Variants in IL3RA observed in about 807,000 individuals in gnomAD.
IL3RA encodes interleukin-3 receptor subunit alpha.
Under a neutral mutation model 52.3 loss-of-function variants are expected in IL3RA, and 73 were observed. The observed-to-expected ratio is 1.40, with a 90% CI of 1.16 to 1.70. The LOEUF is 1.70. IL3RA is among the 40% of genes most tolerant of loss of function. The probability of loss-of-function intolerance (pLI) is 0.00; values close to 1 mark genes in which losing one functional copy is unlikely to be tolerated. For missense variants in IL3RA, 664 were observed against 504.4 expected, an observed-to-expected ratio of 1.32 and a Z score of -3.03; for synonymous variants, 260 against 194.0, an observed-to-expected ratio of 1.34 and a Z score of -2.83.
intron 8 of IL3RA, among the ~76,000 whole-genome samples, chrX:1,361,677 C>T (rs1445220060): frequency 1.8e-4 from 27 of 149,232 alleles, no homozygotes; most frequent in East Asian, 8.0e-4. Flanking sequence ...CGCTTGAACC[C>T]GGGAGGCAGA....
intron 6 of IL3RA, among the ~76,000 whole-genome samples, chrX:1,354,508 A>AGGAGG (rs1569522547): frequency 7.1e-6 from 1 of 140,412 alleles, no homozygotes; most frequent in Non-Finnish European, 1.5e-5. Context: ...GGAGGAGGAG[A>AGGAGG]AGGAAAAGAA....
rs1243917040 is a variant in IL3RA, at chrX:1,345,437, A to G, written c.183+3A>G. 6 of 1,530,536 alleles carry G rather than the reference A, an allele frequency of 3.9e-6. No homozygotes were observed. Among genetic ancestry groups the G allele is most frequent in the Non-Finnish European group, 5.4e-6 (6 of 1,113,776 alleles). The allele number at this position is 1,530,536 out of a possible 1,614,324, so 94.8% of individuals were successfully genotyped here. On this transcript the variant is annotated splice_donor_region_variant and intron_variant, in intron 3 of 11. Coordinates refer to ENST00000331035, the MANE Select transcript of IL3RA (RefSeq NM_002183.4). ...AAGACGCCGACTATTCTATGCCGGT[A>G]AATCATACTCTCTATTGTTTTTTTA...
At chrX:1,368,307 G>C (rs1162432304) in intron 9 of IL3RA, among the ~76,000 whole-genome samples, 1 of 151,966 alleles carries the variant, frequency 6.6e-6, no homozygotes, top group Non-Finnish European at 1.5e-5. Context: ...ACTTCTGGCC[G>C]GGCACGGTGA....
intron 8 of IL3RA, among the ~76,000 whole-genome samples, chrX:1,359,172 G>A (rs1848917968): frequency 6.6e-6 from 1 of 152,004 alleles, no homozygotes; most frequent in Non-Finnish European, 1.5e-5. Context: ...GTGAGAGCCA[G>A]ATGCTATGGC....
In IL3RA at chrX:1,352,322, C is replaced by T. The variant is rs756530624; in HGVS notation, c.432C>T (p.Asn144=). Reference sequence around the variant, plus strand: ...CCCCCAACCTTACCGCTTACCGCAGCAGGCGTCAACAGTACGAGTGTCTTC... The same window carrying T: ...CCCCCAACCTTACCGCTTACCGCAGTAGGCGTCAACAGTACGAGTGTCTTC... The part of the protein sequence containing the change: ...VQYDLYLNVA[N]RRQQYECLHY... The change falls in exon 6 of 12, where the codon AAC becomes AAT. Residue 144 remains asparagine (N), a splice_region_variant and synonymous_variant. Transcript: ENST00000331035. The T allele has an allele frequency of 6.2e-7, 1 of 1,613,686 alleles. No individual in the cohort carries two copies. The highest frequency in any genetic ancestry group is 1.3e-5 in the African/African-American group (1 of 74,928).
intron 8 of IL3RA, 122 bp downstream of exon 8, chrX:1,359,009 T>A (rs183717318): frequency 4.5e-5 from 32 of 710,716 alleles, no homozygotes; most frequent in African/African-American, 3.1e-4. Context: ...GAAAATATTA[T>A]TAATAATAAA....
intron 7 of IL3RA, 34 bp from the exon 8 acceptor site, chrX:1,358,827 G>C (rs2086933415): frequency 1.9e-6 from 3 of 1,612,908 alleles, no homozygotes; most frequent in Non-Finnish European, 2.5e-6. Flanking sequence ...GGACGGTCCA[G>C]ACACTCAAAA....
At chrX:1,377,243 T>G (rs757907015) in intron 9 of IL3RA, among the ~76,000 whole-genome samples, 103 of 152,300 alleles carry the variant, frequency 6.8e-4, no homozygotes, top group Non-Finnish European at 1.2e-3. Context: ...CTTTTTTCTT[T>G]TTTTTCCTCT....
intron 4 of IL3RA, among the ~76,000 whole-genome samples, chrX:1,350,040 G>C (rs138795999): frequency 2.0e-5 from 3 of 152,298 alleles, no homozygotes; most frequent in African/African-American, 7.2e-5. Flanking sequence ...GACACACACA[G>C]TGATTTCATT....
At chrX:1,361,755 G>GAAAA (rs1156722120) in intron 8 of IL3RA, among the ~76,000 whole-genome samples, 14 of 81,762 alleles carry the variant, frequency 1.7e-4, no homozygotes, top group Non-Finnish European at 2.5e-4. Flanking sequence ...TCCGTCTCGA[G>GAAAA]AAAAAAAAAA....
At chrX:1,340,184 C>T (rs2085439846) in intron 1 of IL3RA, among the ~76,000 whole-genome samples, 3 of 141,768 alleles carry the variant, frequency 2.1e-5, no homozygotes, top group Non-Finnish European at 3.1e-5. Context: ...GGCGCCATCT[C>T]GGCTCACTGC....
Position 1,352,555 on chromosome X carries a change from G to A in IL3RA, c.616+49G>A, listed in dbSNP as rs200871630. On this transcript the variant is annotated intron_variant, in intron 6 of 11. Coordinates refer to ENST00000331035, the MANE Select transcript of IL3RA (RefSeq NM_002183.4). ...CCCACCCTCAGTTCTGTGATACCAC[G>A]GCTTTAGCGCCAGGCCAGATCCCAC... The A allele has an allele frequency of 1.7e-5, 27 of 1,577,152 alleles. No individual in the cohort carries two copies. In the East Asian group the frequency reaches 1.8e-4, roughly 11 times the overall value.
Position 1,344,666 on chromosome X carries a change from G to T in IL3RA, c.65-650G>T, listed in dbSNP as rs188409037. 4.1e-5 allele frequency among the ~76,000 whole-genome samples: 6 copies of T among 147,032 alleles called. No homozygotes were observed. The South Asian group carries it at 1.3e-3, about 32-fold the overall frequency. On this transcript the variant is annotated intron_variant, in intron 2 of 11. Transcript: ENST00000331035. ...TGGGCTCCTGTAATCCTAGCTACTC[G>T]GGAGGCTGAGGCAGGAGAATCGCTT...
intron 7 of IL3RA, among the ~76,000 whole-genome samples, chrX:1,356,724 A>G (rs2086752274): frequency 6.6e-6 from 1 of 151,258 alleles, no homozygotes; most frequent in African/African-American, 2.4e-5. Context: ...GTGAGCCGAG[A>G]TCGCGCCATT....
chrX:1,350,883 T>C (rs1261730950), intron 4 of IL3RA, among the ~76,000 whole-genome samples: 1 of 58,616 alleles, frequency 1.7e-5, no homozygotes, highest in African/African-American at 7.7e-5. Flanking sequence ...AGTGAAACTC[T>C]GTCTTAAACA....
chrX:1,356,393 G>A (rs2086717400), intron 7 of IL3RA, 57 bp downstream of exon 7: 1 of 1,079,164 alleles, frequency 9.3e-7, no homozygotes, highest in Admixed American at 2.0e-5. Flanking sequence ...CTTATTTTTG[G>A]TAAGTCGCAC....
chrX:1,381,173 C>A, intron 11 of IL3RA, 69 bp downstream of exon 11: 2 of 1,410,776 alleles, frequency 1.4e-6, no homozygotes, highest in East Asian at 4.6e-5. Flanking sequence ...CCCAGGCGGG[C>A]GGACCACTTG....
At chrX:1,344,791 A>T (rs1301808307) in intron 2 of IL3RA, among the ~76,000 whole-genome samples, 11 of 151,520 alleles carry the variant, frequency 7.3e-5, no homozygotes, top group African/African-American at 2.7e-4. Flanking sequence ...TAAAAAATTT[A>T]AAAAAATAAA....
intron 8 of IL3RA, among the ~76,000 whole-genome samples, chrX:1,360,933 C>G (rs2087242190): frequency 8.5e-6 from 1 of 118,106 alleles, no homozygotes; most frequent in South Asian, 3.4e-4. Flanking sequence ...CTCTCTGTCT[C>G]TCTCTCCCTT....
Sources: gnomAD v4.1 joint callset for allele counts (sites outside exome capture counted in the v4.1 genomes callset) on GRCh38, gnomAD v4.1.1 for gene constraint, MANE v1.5 for transcripts, NCBI Gene and HGNC (gene_info 2026-07-23, HGNC 2026-07-21) for gene names.